Variants in KIAA0319 observed in about 807,000 individuals in gnomAD.
The protein encoded by KIAA0319 is dyslexia-associated protein KIAA0319.
KIAA0319 carries 83 observed loss-of-function variants against 108.4 expected under a neutral mutation model. The ratio of observed to expected loss-of-function variants is 0.77; its 90% CI spans 0.64 to 0.92. The LOEUF is 0.92. Ranked by LOEUF, KIAA0319 falls within the 40% of genes least tolerant of loss-of-function variation. The probability of loss-of-function intolerance (pLI) is 0.00; values close to 1 mark genes in which losing one functional copy is unlikely to be tolerated. For missense variants in KIAA0319, 1,195 were observed against 1,322.4 expected, an observed-to-expected ratio of 0.90 and a Z score of 1.49; for synonymous variants, 484 against 510.4, an observed-to-expected ratio of 0.95 and a Z score of 0.70.
At chr6:24,598,230 C>A in intron 2 of KIAA0319, 1 of 552,656 alleles carries the variant, frequency 1.8e-6, no homozygotes, top group South Asian at 1.8e-5. Context: ...TCACAGCCAT[C>A]ACAGTCAACT....
In KIAA0319 at chr6:24,559,025, C is replaced by A. The variant is rs764651788; in HGVS notation, c.2722G>T (p.Val908Phe). ...ADFLLFKVLR[V>F]DTAGCLLKCS... ...ATAGGAGACCTACCTGCTGTATCAACCCTCAAGACCTTGAAAAGCAAGAAG... is the reference window on the plus strand; with the variant it reads ...ATAGGAGACCTACCTGCTGTATCAAACCTCAAGACCTTGAAAAGCAAGAAG... The change falls in exon 17 of 21, where the codon GTT becomes TTT. Residue 908 changes from valine (V) to phenylalanine (F), a missense_variant. Coordinates refer to ENST00000378214, the MANE Select transcript of KIAA0319 (RefSeq NM_014809.4). 7.4e-6 allele frequency: 12 copies of A among 1,611,406 alleles called. No homozygotes were observed. Among genetic ancestry groups the A allele is most frequent in the African/African-American group, 1.3e-5 (1 of 74,922 alleles).
At chr6:24,612,664 T>G (rs1393675140) in intron 1 of KIAA0319, among the ~76,000 whole-genome samples, 1 of 152,194 alleles carries the variant, frequency 6.6e-6, no homozygotes, top group Admixed American at 6.5e-5. Flanking sequence ...ACTCACCTCT[T>G]GTGGGAAAGC....
chr6:24,563,554 C>T (rs1377521500), intron 15 of KIAA0319, 36 bp from the exon 16 acceptor site: 1 of 1,575,548 alleles, frequency 6.3e-7, no homozygotes, highest in Non-Finnish European at 8.6e-7. Context: ...TGCACTTGGA[C>T]ATTTGCACAG....
At chr6:24,583,867 A>G (rs1582068054) in intron 4 of KIAA0319, among the ~76,000 whole-genome samples, 165 bp from the exon 5 acceptor site, 2 of 152,238 alleles carry the variant, frequency 1.3e-5, no homozygotes, top group African/African-American at 4.8e-5. Flanking sequence ...CTGGCTAGAA[A>G]TTGAACTGTA....
intron 1 of KIAA0319, among the ~76,000 whole-genome samples, chr6:24,613,945 C>G (rs969611996): frequency 6.6e-5 from 10 of 152,108 alleles, no homozygotes; most frequent in African/African-American, 2.4e-4. Flanking sequence ...TCTTAACTGC[C>G]TTGTTTTTTT....
chr6:24,563,573 G>C (rs978473793), intron 15 of KIAA0319, 55 bp from the exon 16 acceptor site: 5 of 1,511,924 alleles, frequency 3.3e-6, no homozygotes, highest in Non-Finnish European at 4.4e-6. Context: ...AGGCTTTAGA[G>C]CATAAGGAGC....
rs765249808 is a variant in KIAA0319 at position 24,578,199 on chromosome 6, T to G, written c.1416A>C (p.Glu472Asp). ...DTEIVSYHWE[E>D]INGPFIEEKT... is the part of the protein sequence containing the mutation. ...TCTCTTCTATGAAGGGCCCGTTTAT[T>G]TCTTCCCAATGATAACTCACTATTT... The change falls in exon 9 of 21, where the codon GAA becomes GAC. Residue 472 changes from glutamate to aspartate, a missense_variant. Coordinates refer to ENST00000378214, the MANE Select transcript of KIAA0319 (RefSeq NM_014809.4). 2 of 1,608,290 alleles carry G rather than the reference T, an allele frequency of 1.2e-6. No homozygotes were observed. Among genetic ancestry groups the G allele is most frequent in the Non-Finnish European group, 1.7e-6 (2 of 1,174,972 alleles).
At chr6:24,572,475 A>C in intron 11 of KIAA0319, 100 bp downstream of exon 11, 1 of 1,366,972 alleles carries the variant, frequency 7.3e-7, no homozygotes. Flanking sequence ...TTTGGCACCC[A>C]CAGGCCGGTA....
At chr6:24,552,323 T>C (rs1761631468) in intron 19 of KIAA0319, among the ~76,000 whole-genome samples, 1 of 152,152 alleles carries the variant, frequency 6.6e-6, no homozygotes, top group Non-Finnish European at 1.5e-5. Context: ...AATAAGATAA[T>C]ACAAACAAAG....
chr6:24,581,100 G>A (rs1766466213), intron 6 of KIAA0319, 87 bp from the exon 7 acceptor site: 11 of 818,298 alleles, frequency 1.3e-5, no homozygotes, highest in South Asian at 1.1e-4. Context: ...CCCAGAAGCC[G>A]CACTCCTAAA....
chr6:24,573,180 A>G (rs938904176), intron 10 of KIAA0319, among the ~76,000 whole-genome samples: 4 of 152,242 alleles, frequency 2.6e-5, no homozygotes, highest in African/African-American at 7.2e-5. Flanking sequence ...ACACTATTGA[A>G]GGAGTGTAAA....
At chr6:24,598,094 G>A (rs1770013006) in intron 2 of KIAA0319, 2 of 442,532 alleles carry the variant, frequency 4.5e-6, no homozygotes, top group South Asian at 3.9e-5. Flanking sequence ...TACACAAGCT[G>A]GCCTGGTGCC....
At chr6:24,564,539 G>A (rs184283716) in intron 14 of KIAA0319, among the ~76,000 whole-genome samples, 199 bp from the exon 15 acceptor site, 24 of 152,302 alleles carry the variant, frequency 1.6e-4, no homozygotes, top group African/African-American at 5.8e-4. Flanking sequence ...GCACCAGGGG[G>A]CACATCCTCA....
At chr6:24,583,802 A>G (rs915727368) in intron 4 of KIAA0319, 100 bp from the exon 5 acceptor site, 1 of 762,036 alleles carries the variant, frequency 1.3e-6, no homozygotes, top group Non-Finnish European at 2.1e-6. Context: ...AATTAAAATA[A>G]CATATGCTTT....
At chr6:24,581,881 T>C (rs1336411164) in intron 6 of KIAA0319, among the ~76,000 whole-genome samples, 2 of 152,192 alleles carry the variant, frequency 1.3e-5, no homozygotes, top group Non-Finnish European at 2.9e-5. Context: ...TGGTGGCTCA[T>C]GCCTGTAATC....
rs192899408 is a variant in KIAA0319, at chr6:24,584,535, T to G, written c.995-833A>C. 5.1e-3 allele frequency among the ~76,000 whole-genome samples: 764 copies of G among 150,134 alleles called. 22 individuals are homozygous for G. Among genetic ancestry groups the G allele is most frequent in the Non-Finnish European group, 7.4e-4 (50 of 67,494 alleles). On this transcript the variant is annotated intron_variant, in intron 4 of 20. Coordinates refer to ENST00000378214, the MANE Select transcript of KIAA0319 (RefSeq NM_014809.4). ...TAATCCACTCCCCTCCTCTCAGTCC[T>G]CAGTCCCTCGAGTGCCTCCTAGATC...
intron 14 of KIAA0319, among the ~76,000 whole-genome samples, chr6:24,566,208 C>T (rs1763881759): frequency 6.6e-6 from 1 of 152,182 alleles, no homozygotes; most frequent in Non-Finnish European, 1.5e-5. Context: ...GCCCTAACCC[C>T]ATATGACTGT....
chr6:24,583,736 T>C, intron 4 of KIAA0319, 34 bp from the exon 5 acceptor site: 1 of 1,306,896 alleles, frequency 7.7e-7, no homozygotes, highest in South Asian at 1.2e-5. Context: ...CGTGCAATTA[T>C]ATAATATAAT....
In KIAA0319 at chr6:24,594,198, CAAAAAAAAAAAAAAAAAAAAAAAAAA is replaced by C. The variant is rs761107947; in HGVS notation, c.801+1649_801+1674del. Among the ~76,000 whole-genome samples the C allele has an allele frequency of 5.6e-3, 307 of 54,400 alleles. 5 individuals are homozygous for C. Among genetic ancestry groups the C allele is most frequent in the Middle Eastern group, 0.052 (3 of 58 alleles). The allele number at this position is 54,400 out of a possible 152,430, so 35.7% of individuals were successfully genotyped here. ...TGGGTGACAGAGTGAGACTCTGTCT[CAAAAAAAAAAAAAAAAAAAAAAAAAA>C]AAAAAAAAAAAAAAAAAAAGAAAGT... On this transcript the variant is annotated intron_variant, in intron 3 of 20. Coordinates refer to ENST00000378214, the MANE Select transcript of KIAA0319 (RefSeq NM_014809.4).
Sources: gnomAD v4.1 joint callset for allele counts (sites outside exome capture counted in the v4.1 genomes callset) on GRCh38, gnomAD v4.1.1 for gene constraint, MANE v1.5 for transcripts, NCBI Gene and HGNC (gene_info 2026-07-23, HGNC 2026-07-21) for gene names.